Variants in PTPRD observed in about 807,000 individuals in gnomAD.
PTPRD encodes the protein protein tyrosine phosphatase receptor type D.
Under a neutral mutation model 214.5 loss-of-function variants are expected in PTPRD, and 34 were observed. That is an observed-to-expected ratio of 0.16 (90% CI 0.12 to 0.21). PTPRD has a LOEUF of 0.21. PTPRD is among the 10% of genes least tolerant of loss of function. PTPRD has a pLI of 1.00. For missense variants in PTPRD, 2,545 were observed against 2,398.7 expected (o/e 1.06, Z -1.27); for synonymous variants, 1,128 against 845.7 (o/e 1.33, Z -5.79).
At chr9:10,153,922 T>C (rs80205847) in intron 3 of PTPRD, among the ~76,000 whole-genome samples, 2 of 152,164 alleles carry the variant, frequency 1.3e-5, no homozygotes, top group African/African-American at 4.8e-5. Context: ...GTCTTTGATA[T>C]TGTGAATAGT....
chr9:10,140,131 A>T (rs80329499), intron 3 of PTPRD, among the ~76,000 whole-genome samples: 4,362 of 152,192 alleles, frequency 0.029, 81 homozygotes, highest in Middle Eastern at 0.071. Context: ...ATCTGTGAAG[A>T]CAAACCATCT....
chr9:10,241,249 G>A (rs2090987345), intron 3 of PTPRD, among the ~76,000 whole-genome samples: 1 of 151,874 alleles, frequency 6.6e-6, no homozygotes, highest in South Asian at 2.1e-4. Context: ...TGCTACTAGT[G>A]GGAATGTAAA....
intron 5 of PTPRD, among the ~76,000 whole-genome samples, chr9:9,901,421 G>A (rs1325304104): frequency 7.3e-6 from 1 of 136,954 alleles, no homozygotes; most frequent in Non-Finnish European, 1.5e-5. Flanking sequence ...AAAATGCATT[G>A]CAAAGATAAT....
chr9:9,099,827 G>C (rs1305487898), intron 10 of PTPRD, among the ~76,000 whole-genome samples: 1 of 152,076 alleles, frequency 6.6e-6, no homozygotes, highest in Admixed American at 6.6e-5. Flanking sequence ...CTACAGCTGA[G>C]ATCAAACTCA....
At position 8,411,133 on chromosome 9, in the gene PTPRD, C is replaced by T. The variant is rs372592042; in HGVS notation, c.4087-6473G>A. Among the ~76,000 whole-genome samples, 5 of 151,648 alleles carry T rather than the reference C, an allele frequency of 3.3e-5. No homozygotes were observed. The East Asian group carries it at 9.7e-4, about 29-fold the overall frequency. ...TCAGTAGGCCAACATGAGGTACTCT[C>T]TAGAATTCAGATAAAGTGTTTTACT... On this transcript the variant is annotated intron_variant, in intron 35 of 45. Transcript: ENST00000381196.
chr9:9,936,003 G>T (rs1294054546), intron 5 of PTPRD, among the ~76,000 whole-genome samples: 1 of 150,708 alleles, frequency 6.6e-6, no homozygotes, highest in Admixed American at 6.6e-5. Context: ...AATAAATGGT[G>T]CTGGGAAAAC....
intron 5 of PTPRD, among the ~76,000 whole-genome samples, chr9:9,778,936 C>T (rs2154488195): frequency 6.6e-6 from 1 of 151,900 alleles, no homozygotes; most frequent in East Asian, 1.9e-4. Context: ...GCCAGGGCAT[C>T]ACACTACCCA....
chr9:9,335,359 G>A (rs1461611512), intron 9 of PTPRD, among the ~76,000 whole-genome samples: 1 of 151,990 alleles, frequency 6.6e-6, no homozygotes, highest in African/African-American at 2.4e-5. Context: ...GATTTAGAGT[G>A]AAGAACAAGA....
At chr9:9,163,394 A>G (rs1229952277) in intron 10 of PTPRD, among the ~76,000 whole-genome samples, 2 of 151,878 alleles carry the variant, frequency 1.3e-5, no homozygotes, top group Admixed American at 1.3e-4. Context: ...TATCTCAGAA[A>G]TTCCACTACC....
At chr9:10,450,119 C>T (rs959120259) in intron 2 of PTPRD, among the ~76,000 whole-genome samples, 2 of 151,818 alleles carry the variant, frequency 1.3e-5, no homozygotes, top group African/African-American at 4.9e-5. Flanking sequence ...GCCGCAGGGT[C>T]CTCTGCCTAG....
intron 7 of PTPRD, among the ~76,000 whole-genome samples, chr9:9,609,883 G>C (rs564564061): frequency 3.1e-4 from 47 of 152,284 alleles, no homozygotes; most frequent in East Asian, 7.7e-4. Context: ...CATTTAAAAA[G>C]TAGATAACTA....
At chr9:9,712,977 G>A (rs377454754) in intron 7 of PTPRD, among the ~76,000 whole-genome samples, 35 of 152,056 alleles carry the variant, frequency 2.3e-4, no homozygotes, top group African/African-American at 8.2e-4. Context: ...TAAATCAGTC[G>A]CTAATCTTGT....
rs73414485 is a variant in PTPRD, at chr9:8,378,392, C to G, written c.4387-1666G>C. ...GCAAAAGCTACCATCTGAATAGAAC[C>G]AACACTACTTCAGCAGTCATGATAT... is the stretch of plus-strand genomic sequence containing the variant. On this transcript the variant is annotated intron_variant, in intron 37 of 45. Transcript: ENST00000381196. 3.6e-3 allele frequency among the ~76,000 whole-genome samples: 551 copies of G among 151,548 alleles called. 2 individuals carry two copies. Among genetic ancestry groups the G allele is most frequent in the African/African-American group, 0.013 (529 of 41,344 alleles).
intron 5 of PTPRD, among the ~76,000 whole-genome samples, chr9:9,777,434 C>T (rs2098807247): frequency 2.6e-5 from 4 of 152,058 alleles, no homozygotes; most frequent in Admixed American, 2.6e-4. Context: ...GTGGCTAATG[C>T]TTGTAATCCC....
intron 8 of PTPRD, among the ~76,000 whole-genome samples, chr9:9,435,092 T>C (rs964361634): frequency 2.6e-5 from 4 of 152,010 alleles, no homozygotes; most frequent in East Asian, 3.8e-4. Context: ...TCCTAAAATT[T>C]TGGCAAATTT....
chr9:8,849,420 G>A (rs555190662), intron 11 of PTPRD, among the ~76,000 whole-genome samples: 8 of 152,100 alleles, frequency 5.3e-5, no homozygotes, highest in African/African-American at 1.9e-4. Context: ...TGGAGACGGG[G>A]TTTCACCATG....
intron 4 of PTPRD, among the ~76,000 whole-genome samples, chr9:9,942,995 A>G (rs908806543): frequency 2.6e-5 from 4 of 151,544 alleles, no homozygotes; most frequent in East Asian, 1.9e-4. Flanking sequence ...CTCTGGTGGC[A>G]TTCTGCTCCA....
chr9:9,774,485 G>T (rs1223364155), intron 5 of PTPRD, among the ~76,000 whole-genome samples: 2 of 152,136 alleles, frequency 1.3e-5, no homozygotes, highest in Admixed American at 6.5e-5. Context: ...TGTTCTTTAA[G>T]AAATCACTTG....
At position 9,322,149 on chromosome 9, in the gene PTPRD, A is replaced by G. The variant is rs116728572; in HGVS notation, c.-203+75300T>C. Among the ~76,000 whole-genome samples, 1,470 of 152,290 alleles carry G rather than the reference A, an allele frequency of 9.7e-3. 27 individuals carry two copies. Among genetic ancestry groups the G allele is most frequent in the African/African-American group, 0.034 (1,412 of 41,562 alleles). On this transcript the variant is annotated intron_variant, in intron 9 of 45. Transcript: ENST00000381196. ...GAAAATGGACATGCTTTTGAGTTAA[A>G]TCAACAAAATGGTCTTAAAGTATTG... is the stretch of plus-strand genomic sequence containing the variant.
Sources: allele counts gnomAD v4.1 joint callset (sites outside exome capture counted in the v4.1 genomes callset), GRCh38; gene constraint gnomAD v4.1.1; transcripts MANE v1.5; gene names NCBI Gene and HGNC (gene_info 2026-07-23, HGNC 2026-07-21).